The following REV3L variants were observed in gnomAD, a reference collection of about 807,000 sequenced individuals.
REV3L encodes DNA polymerase zeta catalytic subunit.
REV3L carries 69 observed loss-of-function variants against 299.4 expected under a neutral mutation model. That is an observed-to-expected ratio of 0.23 (90% CI 0.19 to 0.28). The LOEUF is 0.28. REV3L is among the 10% of genes least tolerant of loss of function. The probability of loss-of-function intolerance (pLI) is 1.00; values close to 1 mark genes in which losing one functional copy is unlikely to be tolerated. For missense variants in REV3L, 3,128 were observed against 3,693.8 expected (o/e 0.85, Z 3.97); for synonymous variants, 1,238 against 1,271.4 (o/e 0.97, Z 0.56).
chr6:111,346,046 G>A (rs1020523150), intron 20 of REV3L, among the ~76,000 whole-genome samples: 5 of 152,062 alleles, frequency 3.3e-5, no homozygotes, highest in Non-Finnish European at 7.4e-5. Context: ...CTGAGAAAAT[G>A]AATCACAAGA....
chr6:111,402,205 C>T (rs1783156696), intron 4 of REV3L, among the ~76,000 whole-genome samples: 1 of 152,188 alleles, frequency 6.6e-6, no homozygotes. Context: ...ACTAGACCAG[C>T]ACCACCTTAG....
intron 15 of REV3L, among the ~76,000 whole-genome samples, chr6:111,364,448 GA>G (rs1371630395): frequency 4.0e-5 from 6 of 150,352 alleles, no homozygotes; most frequent in Admixed American, 6.7e-5. Flanking sequence ...CAAAGATTCA[GA>G]AAAAAATGGA....
intron 24 of REV3L, among the ~76,000 whole-genome samples, chr6:111,331,259 T>A (rs942061303): frequency 6.6e-6 from 1 of 152,182 alleles, no homozygotes; most frequent in Non-Finnish European, 1.5e-5. Flanking sequence ...AGAGTATCAT[T>A]AATTCTAAGA....
intron 1 of REV3L, among the ~76,000 whole-genome samples, chr6:111,465,155 A>T (rs1428621393): frequency 7.1e-6 from 1 of 140,304 alleles, no homozygotes; most frequent in Non-Finnish European, 1.5e-5. Context: ...ATCTCAGCTC[A>T]CTGCAACCTC....
At chr6:111,311,336 TA>T in intron 28 of REV3L, 77 bp from the exon 29 acceptor site, 1 of 1,102,602 alleles carries the variant, frequency 9.1e-7, no homozygotes, top group Non-Finnish European at 1.3e-6. Context: ...CACTTTCAAT[TA>T]TGTAACTACT....
chr6:111,333,476 AC>A, intron 22 of REV3L, 109 bp from the exon 23 acceptor site: 2 of 1,274,692 alleles, frequency 1.6e-6, no homozygotes, highest in Non-Finnish European at 1.0e-6. Flanking sequence ...AGATTGTATG[AC>A]TTTTTTTTTT....
intron 19 of REV3L, 67 bp from the exon 20 acceptor site, chr6:111,349,403 G>A: frequency 9.9e-6 from 7 of 710,184 alleles, no homozygotes; most frequent in East Asian, 2.7e-5. Flanking sequence ...ATTATGCCAG[G>A]GAAAATGAGA....
chr6:111,334,895 C>T (rs17072594), intron 22 of REV3L, among the ~76,000 whole-genome samples: 5,611 of 152,126 alleles, frequency 0.037, 358 homozygotes, highest in African/African-American at 0.13. Flanking sequence ...AATATGGTAT[C>T]GCTGATGCCT....
chr6:111,397,852 G>C (rs909964831), intron 4 of REV3L, among the ~76,000 whole-genome samples: 6 of 151,924 alleles, frequency 3.9e-5, no homozygotes, highest in Non-Finnish European at 8.8e-5. Context: ...ACCTGAGCTA[G>C]TCTCAAATTC....
At position 111,353,490 on chromosome 6, in the gene REV3L, CTGTAGT is replaced by C. The variant is rs1348027932; in HGVS notation, c.7185-1705_7185-1700del. 7.2e-5 allele frequency among the ~76,000 whole-genome samples: 11 copies of C among 152,260 alleles called. 1 individual carries two copies. The South Asian group carries it at 1.2e-3, about 17-fold the overall frequency. Reference sequence around the variant, plus strand: ...CCTAAAGGCCCTATGAAAGTACATTCTGTAGTATAAATTTTAATATCTGGTGATCTG... The same window carrying C: ...CCTAAAGGCCCTATGAAAGTACATTCATAAATTTTAATATCTGGTGATCTG... On this transcript the variant is annotated intron_variant, in intron 18 of 31. Coordinates refer to ENST00000368802, the MANE Select transcript of REV3L (RefSeq NM_001372078.1).
At chr6:111,474,988 T>TATATACACACAC (rs151075609) in intron 1 of REV3L, among the ~76,000 whole-genome samples, 4,147 of 145,790 alleles carry the variant, frequency 0.028, 168 homozygotes, top group East Asian at 0.21. Flanking sequence ...TGCCTATATA[T>TATATACACACAC]ACACACACAC....
chr6:111,303,161 C>CTTTTTTTTTTTTTTTTT (rs1192743753), intron 31 of REV3L, among the ~76,000 whole-genome samples: 1 of 55,550 alleles, frequency 1.8e-5, no homozygotes, highest in African/African-American at 6.1e-5. Flanking sequence ...GCTTTCTTTT[C>CTTTTTTTTTTTTTTTTT]TTTCTTTTTT....
chr6:111,447,635 A>G (rs1272742651), intron 1 of REV3L, among the ~76,000 whole-genome samples: 1 of 152,200 alleles, frequency 6.6e-6, no homozygotes, highest in East Asian at 1.9e-4. Context: ...CCTTTGGTGC[A>G]ACTACCTCCT....
intron 31 of REV3L, 30 bp from the exon 32 acceptor site, chr6:111,300,186 AT>A (rs1771326826): frequency 6.5e-7 from 1 of 1,545,462 alleles, no homozygotes; most frequent in Non-Finnish European, 8.7e-7. Flanking sequence ...ACAAAAAATA[AT>A]AGGAAAGTTT....
chr6:111,330,771 G>A (rs1470779704), intron 24 of REV3L, among the ~76,000 whole-genome samples: 1 of 152,028 alleles, frequency 6.6e-6, no homozygotes, highest in Non-Finnish European at 1.5e-5. Flanking sequence ...TTTATATAGA[G>A]ACCCATTTAA....
chr6:111,369,040 G>A (rs1779511280), intron 13 of REV3L, among the ~76,000 whole-genome samples: 1 of 151,892 alleles, frequency 6.6e-6, no homozygotes, highest in African/African-American at 2.4e-5. Context: ...ATCCACTCTT[G>A]GCAATGTGAA....
intron 9 of REV3L, among the ~76,000 whole-genome samples, chr6:111,386,080 A>G (rs957368855): frequency 1.3e-5 from 2 of 152,232 alleles, no homozygotes; most frequent in Admixed American, 1.3e-4. Flanking sequence ...TGCATTATAG[A>G]AAAACTGTTA....
chr6:111,385,090 T>C (rs796846111), intron 9 of REV3L, among the ~76,000 whole-genome samples: 233 of 151,822 alleles, frequency 1.5e-3, no homozygotes, highest in African/African-American at 5.2e-3. Flanking sequence ...AGTAGAATGA[T>C]GGCTGCCAGA....
chr6:111,481,219 C>T (rs1323115516), intron 1 of REV3L, among the ~76,000 whole-genome samples: 2 of 152,168 alleles, frequency 1.3e-5, no homozygotes, highest in African/African-American at 4.8e-5. Flanking sequence ...TGAACAGGGC[C>T]ATATCAACTT....
Sources: allele counts gnomAD v4.1 joint callset (sites outside exome capture counted in the v4.1 genomes callset), GRCh38; gene constraint gnomAD v4.1.1; transcripts MANE v1.5; gene names NCBI Gene and HGNC (gene_info 2026-07-23, HGNC 2026-07-21).